Variants in RHBDD1 observed in about 807,000 individuals in gnomAD.
The protein encoded by RHBDD1 is rhomboid-related protein 4.
RHBDD1 carries 38 observed loss-of-function variants against 36.3 expected under a neutral mutation model. The ratio of observed to expected loss-of-function variants is 1.05; its 90% confidence interval spans 0.81 to 1.37. The LOEUF is 1.37. RHBDD1 is among the 40% of genes most tolerant of loss of function. The probability of loss-of-function intolerance (pLI) is 0.00; values close to 1 mark genes in which losing one functional copy is unlikely to be tolerated. For synonymous variants in RHBDD1, 151 were observed against 136.5 expected, an observed-to-expected ratio of 1.11 and a Z score of -0.74; for missense variants, 393 against 377.6, an observed-to-expected ratio of 1.04 and a Z score of -0.34.
At position 226,973,011 on chromosome 2, in the gene RHBDD1, A is replaced by G. The variant is rs1953877869; in HGVS notation, c.857-22420A>G. Among the ~76,000 whole-genome samples, 3 of 151,534 alleles carry G rather than the reference A, an allele frequency of 2.0e-5. No individual in the cohort carries two copies. The South Asian group carries it at 6.2e-4, about 32-fold the overall frequency. ...TATATTTATGTTTTAATTTCTTGGT[A>G]GGCCTGGACTTCAAAGTAGAGATTC... On this transcript the variant is annotated intron_variant, in intron 8 of 8. Coordinates refer to ENST00000392062, the MANE Select transcript of RHBDD1 (RefSeq NM_001167608.3).
intron 5 of RHBDD1, among the ~76,000 whole-genome samples, chr2:226,891,372 AAAG>A (rs1156568937): frequency 6.6e-6 from 1 of 152,216 alleles, no homozygotes; most frequent in Non-Finnish European, 1.5e-5. Context: ...TTCCTTCAGC[AAAG>A]AAGAGTCTGC....
chr2:226,950,793 G>A (rs1951366029), intron 8 of RHBDD1, among the ~76,000 whole-genome samples: 2 of 151,988 alleles, frequency 1.3e-5, no homozygotes, highest in Non-Finnish European at 2.9e-5. Flanking sequence ...AGAGATGTCT[G>A]TTCAGGTCCT....
intron 8 of RHBDD1, among the ~76,000 whole-genome samples, chr2:226,958,300 G>A (rs988483013): frequency 7.9e-5 from 12 of 152,168 alleles, no homozygotes; most frequent in Non-Finnish European, 1.5e-4. Flanking sequence ...TATATGATTC[G>A]ATCATATGAA....
intron 8 of RHBDD1, among the ~76,000 whole-genome samples, chr2:226,971,209 G>A (rs1953424286): frequency 6.6e-6 from 1 of 152,142 alleles, no homozygotes; most frequent in Non-Finnish European, 1.5e-5. Context: ...ATTCACTCCT[G>A]TTTCCCTCCT....
intron 6 of RHBDD1, among the ~76,000 whole-genome samples, chr2:226,907,215 A>G (rs912792089): frequency 1.3e-5 from 2 of 152,252 alleles, no homozygotes; most frequent in Non-Finnish European, 1.5e-5. Context: ...GCATTCTTCT[A>G]TAATAGTCCA....
At chr2:226,881,186 G>C (rs1258435620) in intron 5 of RHBDD1, among the ~76,000 whole-genome samples, 1 of 151,990 alleles carries the variant, frequency 6.6e-6, no homozygotes, top group Non-Finnish European at 1.5e-5. Context: ...GAACAGCATG[G>C]GGGGAAACAG....
the RHBDD1 span, among the ~76,000 whole-genome samples, chr2:226,828,464 G>A: frequency 6.6e-6 from 1 of 152,158 alleles, no homozygotes; most frequent in Non-Finnish European, 1.5e-5. Flanking sequence ...TGTATAGTAA[G>A]TGTATGTTTA....
chr2:226,869,226 G>A, intron 5 of RHBDD1: 2 of 975,002 alleles, frequency 2.1e-6, no homozygotes, highest in Non-Finnish European at 2.4e-6. Flanking sequence ...GTAATTCTGA[G>A]CTTGGGAAGT....
At chr2:226,902,323 A>T (rs991870599) in intron 5 of RHBDD1, among the ~76,000 whole-genome samples, 1 of 152,194 alleles carries the variant, frequency 6.6e-6, no homozygotes, top group Non-Finnish European at 1.5e-5. Context: ...GAGCATTCAG[A>T]TGGATCATCT....
At chr2:226,870,699 T>G (rs1254682304) in intron 5 of RHBDD1, among the ~76,000 whole-genome samples, 1 of 152,220 alleles carries the variant, frequency 6.6e-6, no homozygotes, top group East Asian at 1.9e-4. Context: ...CACAGTCAGG[T>G]AACACACATT....
At chr2:226,868,935 C>T (rs776568027) in intron 5 of RHBDD1, among the ~76,000 whole-genome samples, 4 of 152,162 alleles carry the variant, frequency 2.6e-5, no homozygotes, top group Non-Finnish European at 4.4e-5. Context: ...CCTTGTCACT[C>T]ACTGCTCCCC....
At chr2:226,885,546 G>T (rs771538290) in intron 5 of RHBDD1, among the ~76,000 whole-genome samples, 6 of 152,014 alleles carry the variant, frequency 3.9e-5, no homozygotes, top group Non-Finnish European at 7.4e-5. Context: ...AGGGTAGAAA[G>T]AAGAATACAA....
chr2:226,966,531 A>G (rs1206129261), intron 8 of RHBDD1, among the ~76,000 whole-genome samples: 1 of 152,264 alleles, frequency 6.6e-6, no homozygotes, highest in Non-Finnish European at 1.5e-5. Context: ...AGAAATAAAT[A>G]CAACTTAGTG....
At chr2:226,928,769 G>GA (rs1030622668) in intron 8 of RHBDD1, among the ~76,000 whole-genome samples, 2 of 151,972 alleles carry the variant, frequency 1.3e-5, no homozygotes, top group Admixed American at 6.6e-5. Context: ...TCTTAACCAT[G>GA]AAAAGAAGAG....
chr2:226,974,538 G>A (rs1370790290), intron 8 of RHBDD1, among the ~76,000 whole-genome samples: 1 of 152,148 alleles, frequency 6.6e-6, no homozygotes, highest in Non-Finnish European at 1.5e-5. Flanking sequence ...TGCCCGGCCT[G>A]GGTGTTGCTC....
the RHBDD1 span, among the ~76,000 whole-genome samples, chr2:226,826,784 T>C: frequency 6.6e-6 from 1 of 151,930 alleles, no homozygotes; most frequent in Non-Finnish European, 1.5e-5. Context: ...CCTCCCACAG[T>C]GCTGGGATTA....
chr2:226,995,636 T>G lies in RHBDD1; in HGVS notation c.*114T>G. 5 of 738,880 alleles carry G rather than the reference T, an allele frequency of 6.8e-6. No individual in the cohort carries two copies. The highest frequency in any genetic ancestry group is 4.7e-6 in the Non-Finnish European group (2 of 424,528). 45.8% of individuals were successfully genotyped at this position (738,880 alleles called of 1,614,324 possible). A position where few individuals can be genotyped will look rare whatever the true frequency, so the allele number is the denominator to read the frequency against. On this transcript the variant is annotated 3_prime_UTR_variant, in exon 9 of 9. Coordinates refer to ENST00000392062, the MANE Select transcript of RHBDD1 (RefSeq NM_001167608.3). ...TAAACAAAAGCAGAGTACACCGGTA[T>G]TGCTCCAGATCGCTCACATCACCTG... is the stretch of plus-strand genomic sequence containing the variant.
intron 2 of RHBDD1, among the ~76,000 whole-genome samples, chr2:226,838,919 A>G (rs1941307528): frequency 6.6e-6 from 1 of 152,216 alleles, no homozygotes; most frequent in South Asian, 2.1e-4. Context: ...GATGAGTAAT[A>G]AAGTATCTTC....
chr2:226,996,169 T>A lies in RHBDD1; in HGVS notation c.*647T>A, dbSNP rs1249624709. On this transcript the variant is annotated 3_prime_UTR_variant, in exon 9 of 9. Transcript: ENST00000392062. ...AAAGACCTAAGGTGGGGAAGACTCC[T>A]ACACACACCATTAGTATCAGTGACA... The A allele has an allele frequency of 2.0e-5, 3 of 152,644 alleles. No homozygotes were observed. Among genetic ancestry groups the A allele is most frequent in the African/African-American group, 7.2e-5 (3 of 41,456 alleles). 9.5% of individuals were successfully genotyped at this position (152,644 alleles called of 1,614,324 possible).
Sources: allele counts gnomAD v4.1 joint callset (sites outside exome capture counted in the v4.1 genomes callset), GRCh38; gene constraint gnomAD v4.1.1; transcripts MANE v1.5; gene names NCBI Gene and HGNC (gene_info 2026-07-23, HGNC 2026-07-21).